TAF10: variants seen among roughly 807,000 people sequenced by gnomAD.
TAF10 encodes the protein transcription initiation factor TFIID subunit 10.
A neutral mutation model predicts 18.1 loss-of-function variants in TAF10; 2 were observed. The ratio of observed to expected loss-of-function variants is 0.11; its 90% CI spans 0.05 to 0.35. The LOEUF (loss-of-function observed/expected upper bound fraction) is 0.35. Among genes scored for constraint, TAF10 ranks in the 10% least tolerant of loss-of-function variants. TAF10 has a pLI of 1.00. For missense variants in TAF10, 293 were observed against 306.9 expected (o/e 0.95, Z 0.34); for synonymous variants, 158 against 134.6 (o/e 1.17, Z -1.20).
rs756661762 is a variant in TAF10 at position 6,610,879 on chromosome 11, TGTGGGGAC to T, written c.*35_*42del. The T allele has an allele frequency of 3.8e-6, 6 of 1,598,800 alleles. No individual in the cohort carries two copies. The highest frequency in any genetic ancestry group is 1.3e-5 in the African/African-American group (1 of 74,604). The stretch of plus-strand genomic sequence containing the variant: ...AAAGTTTATTATGAAAACAGGCTGG[TGTGGGGAC>T]ATGGGGACAGATAAGTACATTTAGG... On this transcript the variant is annotated 3_prime_UTR_variant, in exon 5 of 5. Transcript: ENST00000299424.
rs776123992 is a variant in TAF10 at position 6,608,981 on chromosome 11, G to A, written c.*1941C>T. The A allele has an allele frequency of 2.5e-6, 4 of 1,614,004 alleles. No individual in the cohort carries two copies. Among genetic ancestry groups the A allele is most frequent in the Non-Finnish European group, 3.4e-6 (4 of 1,179,848 alleles). On this transcript the variant is annotated 3_prime_UTR_variant, in exon 5 of 5. Coordinates refer to ENST00000299424, the MANE Select transcript of TAF10 (RefSeq NM_006284.4). This position sits in a 1 kb window ranked among gnomAD's most constrained non-coding sequence, Gnocchi z 4.9. ...GCACTCGGCCCCGTGAGTCACCACT[G>A]TGGGAAGAAGGGTTGTAAAAGGAAA...
In TAF10 at chr11:6,609,689, C is replaced by G. The variant is rs755803042; in HGVS notation, c.*1233G>C. On this transcript the variant is annotated 3_prime_UTR_variant, in exon 5 of 5. Coordinates refer to ENST00000299424, the MANE Select transcript of TAF10 (RefSeq NM_006284.4). ...TGGGGAGGAAATGGCAGAGAGGGAG[C>G]CTCTCTGAACTATTTGACTTTTGCC... The G allele has an allele frequency of 4.3e-6, 7 of 1,614,028 alleles. No individual in the cohort carries two copies. The highest frequency in any genetic ancestry group is 2.7e-5 in the African/African-American group (2 of 74,920).
At position 6,608,830 on chromosome 11, in the gene TAF10, T is replaced by C; in HGVS notation, c.*2092A>G. The C allele has an allele frequency of 6.2e-7, 1 of 1,612,834 alleles. No individual in the cohort carries two copies. The highest frequency in any genetic ancestry group is 1.1e-5 in the South Asian group (1 of 91,062). On this transcript the variant is annotated 3_prime_UTR_variant, in exon 5 of 5. Transcript: ENST00000299424. The surrounding 1 kb of genome is among the most constrained non-coding windows in gnomAD (Gnocchi z 4.9). ...CCCCTAGCTTGTGTCCTCTCGTCCC[T>C]TCCCACCTGTCTTCTCCCTCTGTAC...
chr11:6,610,819 C>A lies in TAF10; in HGVS notation c.*103G>T. 6.9e-7 allele frequency: 1 copy of A among 1,445,364 alleles called. No homozygotes were observed. The highest frequency in any genetic ancestry group is 1.2e-5 in the South Asian group (1 of 84,752). 89.5% of individuals were successfully genotyped at this position (1,445,364 alleles called of 1,614,324 possible). On this transcript the variant is annotated 3_prime_UTR_variant, in exon 5 of 5. Transcript: ENST00000299424. ...TTTGTCACTTGCCACATGGTGTCTC[C>A]CAACATGGGAGGGATCAGCCCCGCC...
chr11:6,611,570 A>T (rs1855460766), intron 2 of TAF10, 94 bp downstream of exon 2: 1 of 1,590,412 alleles, frequency 6.3e-7, no homozygotes, highest in African/African-American at 1.3e-5. Flanking sequence ...CAGAAGAGCG[A>T]CTAGGGGAGC....
chr11:6,611,859 C>T (rs201261890), intron 1 of TAF10, 41 bp from the exon 2 acceptor site: 4 of 1,585,934 alleles, frequency 2.5e-6, no homozygotes, highest in African/African-American at 2.7e-5. Context: ...AGGTGGGAGG[C>T]GCAGGGCCCC....
chr11:6,608,999 A>G lies in TAF10; in HGVS notation c.*1923T>C. Reference sequence around the variant, plus strand: ...CACCACTGTGGGAAGAAGGGTTGTAAAAGGAAATAATCCTGGCCTCTTGGG... The same window carrying G: ...CACCACTGTGGGAAGAAGGGTTGTAGAAGGAAATAATCCTGGCCTCTTGGG... On this transcript the variant is annotated 3_prime_UTR_variant, in exon 5 of 5. Coordinates refer to ENST00000299424, the MANE Select transcript of TAF10 (RefSeq NM_006284.4). The surrounding 1 kb of genome is among the most constrained non-coding windows in gnomAD (Gnocchi z 4.9). The G allele has an allele frequency of 6.2e-7, 1 of 1,613,626 alleles. No homozygotes were observed. The highest frequency in any genetic ancestry group is 8.5e-7 in the Non-Finnish European group (1 of 1,179,538).
intron 3 of TAF10, 34 bp from the exon 4 acceptor site, chr11:6,611,337 G>A: frequency 6.2e-7 from 1 of 1,613,964 alleles, no homozygotes; most frequent in Non-Finnish European, 8.5e-7. Context: ...GAAGGAGATG[G>A]ACAACATACT....
rs1322839473 is a variant in TAF10 at position 6,608,582 on chromosome 11, A to C, written c.*2340T>G. The C allele has an allele frequency of 4.5e-6, 6 of 1,330,724 alleles. No homozygotes were observed. The highest frequency in any genetic ancestry group is 6.5e-6 in the Non-Finnish European group (6 of 921,766). 82.4% of individuals were successfully genotyped at this position (1,330,724 alleles called of 1,614,324 possible). ...GGAACCCTCAACCCATTCTGTCAGT[A>C]CTACTGTGTGACACTTACAGGATTA... On this transcript the variant is annotated 3_prime_UTR_variant, in exon 5 of 5. Coordinates refer to ENST00000299424, the MANE Select transcript of TAF10 (RefSeq NM_006284.4). This position sits in a 1 kb window ranked among gnomAD's most constrained non-coding sequence, Gnocchi z 4.9.
In TAF10 at chr11:6,611,438, C is replaced by A; in HGVS notation, c.402G>T (p.Val134=). The change falls in exon 3 of 5, where the codon GTG becomes GTT. Residue 134 remains valine (V), a synonymous_variant. Transcript: ENST00000299424. ...CAGCACGGTTCAGGTAGTAACCAGT[C>A]ACTGCATCTGGGATCTGAGAAATCA... ...EDYTPTIPDA[V]TGYYLNRAGF... is the part of the protein sequence containing the mutation. 1 of 1,614,148 alleles carries A rather than the reference C, an allele frequency of 6.2e-7. No individual in the cohort carries two copies. The highest frequency in any genetic ancestry group is 8.5e-7 in the Non-Finnish European group (1 of 1,180,040).
Position 6,609,171 on chromosome 11 carries a change from T to A in TAF10, c.*1751A>T. On this transcript the variant is annotated 3_prime_UTR_variant, in exon 5 of 5. Transcript: ENST00000299424. ...ACTCTGGAGAGGTGACCCCTGCCCTTCTTGCCCTTCCCTCACTAAACCCCC... is the reference window on the plus strand; with the variant it reads ...ACTCTGGAGAGGTGACCCCTGCCCTACTTGCCCTTCCCTCACTAAACCCCC... 5.0e-6 allele frequency: 8 copies of A among 1,611,102 alleles called. No individual in the cohort carries two copies. Among genetic ancestry groups the A allele is most frequent in the Non-Finnish European group, 6.8e-6 (8 of 1,177,250 alleles).
Position 6,608,448 on chromosome 11 carries a change from C to T in TAF10, c.*2474G>A. On this transcript the variant is annotated 3_prime_UTR_variant, in exon 5 of 5. Coordinates refer to ENST00000299424, the MANE Select transcript of TAF10 (RefSeq NM_006284.4). This position sits in a 1 kb window ranked among gnomAD's most constrained non-coding sequence, Gnocchi z 4.9. Reference sequence around the variant, plus strand: ...AGTGAATGAACACGGGAATGTGCCCCTGCACTATGCCTGTTTTTGGGGCCA... The same window carrying T: ...AGTGAATGAACACGGGAATGTGCCCTTGCACTATGCCTGTTTTTGGGGCCA... 1 of 1,614,200 alleles carries T rather than the reference C, an allele frequency of 6.2e-7. No individual in the cohort carries two copies.
rs1255967310 is a variant in TAF10, at chr11:6,609,035, G to A, written c.*1887C>T. On this transcript the variant is annotated 3_prime_UTR_variant, in exon 5 of 5. Coordinates refer to ENST00000299424, the MANE Select transcript of TAF10 (RefSeq NM_006284.4). Reference sequence around the variant, plus strand: ...TCCTGGCCTCTTGGGGCTGGGTTAGGGTGAAGCTGGGTACCTGACCTGCCC... The same window carrying A: ...TCCTGGCCTCTTGGGGCTGGGTTAGAGTGAAGCTGGGTACCTGACCTGCCC... The A allele has an allele frequency of 6.2e-7, 1 of 1,611,512 alleles. No individual in the cohort carries two copies. Among genetic ancestry groups the A allele is most frequent in the Admixed American group, 1.7e-5 (1 of 59,994 alleles).
At position 6,610,636 on chromosome 11, in the gene TAF10, CCA is replaced by C. The variant is rs1855413190; in HGVS notation, c.*284_*285del. 2 of 1,613,868 alleles carry C rather than the reference CCA, an allele frequency of 1.2e-6. No individual in the cohort carries two copies. Among genetic ancestry groups the C allele is most frequent in the Non-Finnish European group, 8.5e-7 (1 of 1,179,916 alleles). On this transcript the variant is annotated 3_prime_UTR_variant, in exon 5 of 5. Coordinates refer to ENST00000299424, the MANE Select transcript of TAF10 (RefSeq NM_006284.4). ...GGACTGGAAGGTCCTTGCCTGAACT[CCA>C]GAGGTGTCGGGACATGGTTGGGGGA...
chr11:6,611,885 T>C, intron 1 of TAF10, 67 bp from the exon 2 acceptor site: 1 of 1,564,078 alleles, frequency 6.4e-7, no homozygotes, highest in African/African-American at 1.4e-5. Context: ...GGTCTGTCTA[T>C]ACCCTCTGCC....
At position 6,608,314 on chromosome 11, in the gene TAF10, T is replaced by C; in HGVS notation, c.*2608A>G. The C allele has an allele frequency of 1.3e-6, 2 of 1,569,742 alleles. No individual in the cohort carries two copies. The highest frequency in any genetic ancestry group is 1.7e-5 in the Admixed American group (1 of 59,902). On this transcript the variant is annotated 3_prime_UTR_variant, in exon 5 of 5. Coordinates refer to ENST00000299424, the MANE Select transcript of TAF10 (RefSeq NM_006284.4). The surrounding 1 kb of genome is among the most constrained non-coding windows in gnomAD (Gnocchi z 4.9). ...AAAGCATGTGTGCTCTTCCCCCTTT[T>C]CCCATGCCCTGACACCAGTATCTCA...
In TAF10 at chr11:6,609,988, T is replaced by A. The variant is rs1273794131; in HGVS notation, c.*934A>T. 6.2e-7 allele frequency: 1 copy of A among 1,614,220 alleles called. No individual in the cohort carries two copies. The highest frequency in any genetic ancestry group is 8.5e-7 in the Non-Finnish European group (1 of 1,180,042). ...AGCATGGCTGATGTCAAGTTCTCTT[T>A]CCAATGTCCTGGTCGCATGTATGCA... On this transcript the variant is annotated 3_prime_UTR_variant, in exon 5 of 5. Transcript: ENST00000299424.
rs776996356 is a variant in TAF10, at chr11:6,610,231, C to T, written c.*691G>A. The stretch of plus-strand genomic sequence containing the variant: ...AGTGCTTCTGTGGGAACTGGTGACA[C>T]GGGAGGTACCCTTTGCTGACCTCTC... On this transcript the variant is annotated 3_prime_UTR_variant, in exon 5 of 5. Coordinates refer to ENST00000299424, the MANE Select transcript of TAF10 (RefSeq NM_006284.4). The T allele has an allele frequency of 1.2e-5, 20 of 1,614,134 alleles. No homozygotes were observed. Among genetic ancestry groups the T allele is most frequent in the Non-Finnish European group, 1.6e-5 (19 of 1,180,020 alleles).
In TAF10 at chr11:6,610,096, G is replaced by A. The variant is rs1855349142; in HGVS notation, c.*826C>T. The A allele has an allele frequency of 2.5e-6, 4 of 1,614,084 alleles. No homozygotes were observed. The highest frequency in any genetic ancestry group is 1.6e-4 in the Middle Eastern group (1 of 6,062). ...ACCACCTCAGAAGTAGTGGAAGGGG[G>A]CAGAGACAGGACAGGCAAGGGGGCC... is the stretch of plus-strand genomic sequence containing the variant. On this transcript the variant is annotated 3_prime_UTR_variant, in exon 5 of 5. Coordinates refer to ENST00000299424, the MANE Select transcript of TAF10 (RefSeq NM_006284.4).
Sources: gnomAD v4.1 joint callset for allele counts on GRCh38, gnomAD v4.1.1 for gene constraint, Gnocchi (gnomAD v3.1) non-coding constraint, MANE v1.5 for transcripts, NCBI Gene and HGNC (gene_info 2026-07-23, HGNC 2026-07-21) for gene names.